Variants in ANO2 observed in about 807,000 individuals in gnomAD.
The protein encoded by ANO2 is anoctamin-2.
ANO2 carries 101 observed loss-of-function variants against 124.2 expected under a neutral mutation model. The ratio of observed to expected loss-of-function variants is 0.81; its 90% confidence interval spans 0.69 to 0.96. The LOEUF is 0.96. ANO2 is among the 40% of genes least tolerant of loss of function. The pLI, the probability that ANO2 is intolerant of heterozygous loss-of-function variation, is 0.00. For synonymous variants in ANO2, 486 were observed against 482.5 expected, an observed-to-expected ratio of 1.01 and a Z score of -0.09; for missense variants, 1,293 against 1,274.5, an observed-to-expected ratio of 1.01 and a Z score of -0.22.
At chr12:5,694,569 C>T (rs1463209220) in intron 14 of ANO2, among the ~76,000 whole-genome samples, 1 of 152,168 alleles carries the variant, frequency 6.6e-6, no homozygotes, top group East Asian at 1.9e-4. Context: ...TCCCTTCCCC[C>T]TCTCGGCCTC....
At chr12:5,878,489 G>C (rs1938261246) in intron 3 of ANO2, among the ~76,000 whole-genome samples, 1 of 152,230 alleles carries the variant, frequency 6.6e-6, no homozygotes, top group Non-Finnish European at 1.5e-5. Context: ...CAAAACACTT[G>C]ATAAATTCAT....
chr12:5,581,608 A>G (rs1942760700), intron 20 of ANO2, among the ~76,000 whole-genome samples: 1 of 152,150 alleles, frequency 6.6e-6, no homozygotes, highest in South Asian at 2.1e-4. Flanking sequence ...TCTTCTGTCA[A>G]CGCAAACATC....
chr12:5,758,286 T>C (rs1951639414), intron 10 of ANO2, among the ~76,000 whole-genome samples: 1 of 152,160 alleles, frequency 6.6e-6, no homozygotes, highest in South Asian at 2.1e-4. Flanking sequence ...CCCAAGAATC[T>C]GTACCAGTAA....
At chr12:5,637,184 T>G (rs1946067719) in intron 15 of ANO2, among the ~76,000 whole-genome samples, 1 of 152,150 alleles carries the variant, frequency 6.6e-6, no homozygotes, top group Non-Finnish European at 1.5e-5. Flanking sequence ...GTAGACATTT[T>G]CACTTCCCAT....
intron 3 of ANO2, among the ~76,000 whole-genome samples, chr12:5,906,596 A>C (rs184756763): frequency 8.5e-4 from 130 of 152,178 alleles, no homozygotes; most frequent in Non-Finnish European, 1.4e-3. Flanking sequence ...AGAGATTGAG[A>C]CCATCCTGGC....
At chr12:5,723,179 C>A (rs1950303532) in intron 14 of ANO2, among the ~76,000 whole-genome samples, 1 of 152,186 alleles carries the variant, frequency 6.6e-6, no homozygotes, top group Non-Finnish European at 1.5e-5. Context: ...TCACCAGTAG[C>A]CATTCCCTAA....
intron 11 of ANO2, among the ~76,000 whole-genome samples, chr12:5,746,374 A>G (rs552198390): frequency 1.2e-3 from 179 of 152,214 alleles, no homozygotes; most frequent in African/African-American, 4.1e-3. Flanking sequence ...TTATATATGT[A>G]TTGGGGGGTT....
chr12:5,939,952 T>TTA (rs1942828064), intron 1 of ANO2, among the ~76,000 whole-genome samples: 1 of 152,220 alleles, frequency 6.6e-6, no homozygotes, highest in Admixed American at 6.5e-5. Flanking sequence ...TTATATTGTG[T>TTA]TAAAGTTATA....
chr12:5,678,539 G>T (rs1948352945), intron 14 of ANO2, among the ~76,000 whole-genome samples: 1 of 152,180 alleles, frequency 6.6e-6, no homozygotes, highest in African/African-American at 2.4e-5. Context: ...GGCAAAGACT[G>T]GGGACTGAGT....
At chr12:5,856,190 A>T (rs1955091204) in intron 3 of ANO2, 1 of 152,248 alleles carries the variant, frequency 6.6e-6, no homozygotes, top group South Asian at 2.1e-4. Context: ...TTTTGGTGAA[A>T]GATGGCAAAC....
chr12:5,751,090 A>C, intron 10 of ANO2, 120 bp from the exon 11 acceptor site: 1 of 1,005,736 alleles, frequency 9.9e-7, no homozygotes, highest in Non-Finnish European at 1.4e-6. Flanking sequence ...TTGTGACGAA[A>C]ACAAAGGGAT....
chr12:5,879,200 T>A (rs1938319447), intron 3 of ANO2, among the ~76,000 whole-genome samples: 1 of 152,128 alleles, frequency 6.6e-6, no homozygotes. Flanking sequence ...TGATTCCACA[T>A]AAACAATTTT....
At chr12:5,870,123 A>AG (rs1304771120) in intron 3 of ANO2, 2 of 152,408 alleles carry the variant, frequency 1.3e-5, no homozygotes, top group African/African-American at 4.8e-5. Flanking sequence ...GAAAGTAAAA[A>AG]GGCAAATGTG....
At chr12:5,599,758 T>C (rs1943840230) in intron 19 of ANO2, 129 bp from the exon 20 acceptor site, 5 of 1,035,458 alleles carry the variant, frequency 4.8e-6, no homozygotes, top group Middle Eastern at 2.1e-4. Flanking sequence ...CAAGTAGAGA[T>C]AGAGAGACAC....
rs114061095 is a variant in ANO2 at position 5,666,396 on chromosome 12, C to G, written c.1546-18595G>C. 1.2e-3 allele frequency among the ~76,000 whole-genome samples: 186 copies of G among 152,280 alleles called. 2 individuals are homozygous for G. Among genetic ancestry groups the G allele is most frequent in the African/African-American group, 4.4e-3 (181 of 41,574 alleles). On this transcript the variant is annotated intron_variant, in intron 14 of 24. Coordinates refer to ENST00000682330, the MANE Select transcript of ANO2 (RefSeq NM_001364791.2). The stretch of plus-strand genomic sequence containing the variant: ...TTCTGCTCTTCCCAAAGGGGGCCAC[C>G]CTTGTGTCCTCTTCTTTCACCCCTT...
At chr12:5,638,577 G>C (rs1305600972) in intron 15 of ANO2, among the ~76,000 whole-genome samples, 2 of 150,704 alleles carry the variant, frequency 1.3e-5, no homozygotes, top group African/African-American at 4.9e-5. Context: ...CGTATTTTCT[G>C]GCCGCTTATT....
chr12:5,603,145 A>G (rs904088331), intron 19 of ANO2, among the ~76,000 whole-genome samples: 1 of 152,234 alleles, frequency 6.6e-6, no homozygotes, highest in African/African-American at 2.4e-5. Flanking sequence ...TGATAGCTCT[A>G]TAGAAGGTTT....
intron 14 of ANO2, among the ~76,000 whole-genome samples, chr12:5,688,317 G>C (rs1280086626): frequency 6.6e-6 from 1 of 152,206 alleles, no homozygotes; most frequent in Non-Finnish European, 1.5e-5. Context: ...GGGAGGCAAA[G>C]GCTGGTTGAG....
At chr12:5,742,728 A>C (rs1951138529) in intron 12 of ANO2, among the ~76,000 whole-genome samples, 2 of 152,300 alleles carry the variant, frequency 1.3e-5, no homozygotes, top group Admixed American at 6.5e-5. Flanking sequence ...TTAGAGTTGT[A>C]ATATAGCAAA....
Sources: allele counts gnomAD v4.1 joint callset (sites outside exome capture counted in the v4.1 genomes callset), GRCh38; gene constraint gnomAD v4.1.1; transcripts MANE v1.5; gene names NCBI Gene and HGNC (gene_info 2026-07-23, HGNC 2026-07-21).